Variants in HS6ST3 observed in about 807,000 individuals in gnomAD.
HS6ST3 encodes the protein heparan sulfate 6-O-sulfotransferase 3, also known as heparan-sulfate 6-O-sulfotransferase 3.
A neutral mutation model predicts 36.7 loss-of-function variants in HS6ST3; 12 were observed. The ratio of observed to expected loss-of-function variants is 0.33; its 90% CI spans 0.21 to 0.53. The LOEUF is 0.53. Ranked by LOEUF, HS6ST3 falls within the 20% of genes least tolerant of loss-of-function variation. The probability of loss-of-function intolerance (pLI) is 0.95; values close to 1 mark genes in which losing one functional copy is unlikely to be tolerated. For synonymous variants in HS6ST3, 240 were observed against 257.5 expected (o/e 0.93, Z 0.65); for missense variants, 584 against 640.9 (o/e 0.91, Z 0.96).
intron 1 of HS6ST3, among the ~76,000 whole-genome samples, chr13:96,123,912 G>T (rs2053938375): frequency 6.6e-6 from 1 of 152,120 alleles, no homozygotes; most frequent in Non-Finnish European, 1.5e-5. Context: ...CTGAGGGTTT[G>T]CAATACTACA....
At chr13:96,543,568 T>C (rs2056186350) in intron 1 of HS6ST3, among the ~76,000 whole-genome samples, 3 of 152,204 alleles carry the variant, frequency 2.0e-5, no homozygotes, top group Admixed American at 2.0e-4. Context: ...CTATGGATCA[T>C]CTCTTAGCTA....
intron 1 of HS6ST3, among the ~76,000 whole-genome samples, chr13:96,610,391 G>A (rs1429854441): frequency 6.6e-6 from 1 of 152,148 alleles, no homozygotes; most frequent in Non-Finnish European, 1.5e-5. Context: ...GCTTATGCAT[G>A]AATATAAAAA....
Position 96,583,475 on chromosome 13 carries a change from G to A in HS6ST3, c.708-249015G>A, listed in dbSNP as rs559806151. On this transcript the variant is annotated intron_variant, in intron 1 of 1. Coordinates refer to ENST00000376705, the MANE Select transcript of HS6ST3 (RefSeq NM_153456.4). ...GATCCGCCCACCTCGACCTCCCAAAGTGCCGCGATTACAGATGTGAGCACC... is the reference window on the plus strand; with the variant it reads ...GATCCGCCCACCTCGACCTCCCAAAATGCCGCGATTACAGATGTGAGCACC... Among the ~76,000 whole-genome samples, 6 of 151,900 alleles carry A rather than the reference G, an allele frequency of 3.9e-5. No homozygotes were observed. In the South Asian group the frequency reaches 1.0e-3, roughly 26 times the overall value.
intron 1 of HS6ST3, among the ~76,000 whole-genome samples, chr13:96,763,082 G>A (rs1312935788): frequency 6.6e-6 from 1 of 152,076 alleles, no homozygotes; most frequent in East Asian, 1.9e-4. Flanking sequence ...CATGTTTCTT[G>A]TTTAGATTCT....
At chr13:96,318,684 A>G (rs1347426688) in intron 1 of HS6ST3, among the ~76,000 whole-genome samples, 3 of 152,136 alleles carry the variant, frequency 2.0e-5, no homozygotes, top group Non-Finnish European at 4.4e-5. Flanking sequence ...GGCCTTGTCA[A>G]AGATCAGATG....
chr13:96,602,641 T>A lies in HS6ST3; in HGVS notation c.708-229849T>A, dbSNP rs570343817. Among the ~76,000 whole-genome samples, 5 of 152,294 alleles carry A rather than the reference T, an allele frequency of 3.3e-5. No homozygotes were observed. In the South Asian group the frequency reaches 1.0e-3, roughly 32 times the overall value. ...TTCTGGAGTATGGGCCCACTAAAGT[T>A]GTCCCAGCAGTAGTGTGGCTCAGAG... On this transcript the variant is annotated intron_variant, in intron 1 of 1. Coordinates refer to ENST00000376705, the MANE Select transcript of HS6ST3 (RefSeq NM_153456.4).
At chr13:96,111,242 A>G (rs1179720577) in intron 1 of HS6ST3, among the ~76,000 whole-genome samples, 1 of 152,234 alleles carries the variant, frequency 6.6e-6, no homozygotes, top group Non-Finnish European at 1.5e-5. Context: ...CAGATGAACA[A>G]TACTATTCAA....
intron 1 of HS6ST3, among the ~76,000 whole-genome samples, chr13:96,552,792 G>C (rs753220023): frequency 2.6e-5 from 4 of 152,174 alleles, no homozygotes; most frequent in Non-Finnish European, 2.9e-5. Context: ...GAGGTATAAG[G>C]ATGGTATTGA....
At chr13:96,361,674 T>C (rs946549069) in intron 1 of HS6ST3, among the ~76,000 whole-genome samples, 13 of 152,104 alleles carry the variant, frequency 8.5e-5, no homozygotes, top group Non-Finnish European at 1.8e-4. Context: ...TGGAAGCAAG[T>C]GAAAAACCAG....
intron 1 of HS6ST3, among the ~76,000 whole-genome samples, chr13:96,513,770 C>CT (rs1163339737): frequency 6.6e-6 from 1 of 151,914 alleles, no homozygotes; most frequent in Non-Finnish European, 1.5e-5. Context: ...CTTACACAAA[C>CT]TAAGGTAAGA....
At chr13:96,732,010 T>G (rs1263253790) in intron 1 of HS6ST3, among the ~76,000 whole-genome samples, 1 of 152,134 alleles carries the variant, frequency 6.6e-6, no homozygotes, top group Non-Finnish European at 1.5e-5. Flanking sequence ...GCCATATTAT[T>G]TTACATTCCC....
At chr13:96,311,733 T>G (rs577129585) in intron 1 of HS6ST3, among the ~76,000 whole-genome samples, 1 of 152,282 alleles carries the variant, frequency 6.6e-6, no homozygotes, top group South Asian at 2.1e-4. Context: ...AGTAATTGAT[T>G]CAGAGTTCGA....
chr13:96,292,742 T>C (rs1038530759), intron 1 of HS6ST3, among the ~76,000 whole-genome samples: 1 of 152,106 alleles, frequency 6.6e-6, no homozygotes, highest in Non-Finnish European at 1.5e-5. Context: ...GGTGAATAAA[T>C]AGCAAGATTA....
intron 1 of HS6ST3, among the ~76,000 whole-genome samples, chr13:96,301,667 G>A (rs536150177): frequency 3.3e-5 from 5 of 152,084 alleles, no homozygotes; most frequent in African/African-American, 1.2e-4. Context: ...TAAGGTAGGC[G>A]GATCAGATGT....
intron 1 of HS6ST3, among the ~76,000 whole-genome samples, chr13:96,501,464 G>A (rs1217260320): frequency 6.6e-6 from 1 of 152,164 alleles, no homozygotes; most frequent in African/African-American, 2.4e-5. Context: ...TGCTGTCCTT[G>A]GGCAAGTTAT....
intron 1 of HS6ST3, among the ~76,000 whole-genome samples, chr13:96,314,098 G>A (rs2054955860): frequency 6.6e-6 from 1 of 152,134 alleles, no homozygotes; most frequent in Admixed American, 6.5e-5. Flanking sequence ...GTACTTGGGA[G>A]GCCAAGGCAG....
chr13:96,139,523 G>T, intron 1 of HS6ST3, among the ~76,000 whole-genome samples: 1 of 75,348 alleles, frequency 1.3e-5, no homozygotes, highest in East Asian at 4.6e-4. Flanking sequence ...CCCTTTTCCT[G>T]AAATACTGTA....
intron 1 of HS6ST3, among the ~76,000 whole-genome samples, chr13:96,785,690 A>G (rs11069244): frequency 0.088 from 13,416 of 152,246 alleles, 733 homozygotes; most frequent in East Asian, 0.27. Flanking sequence ...TGAGGGACTC[A>G]TGCAAACAGG....
intron 1 of HS6ST3, among the ~76,000 whole-genome samples, chr13:96,368,451 C>G (rs912690): frequency 0.5 from 76,006 of 151,438 alleles, 19,477 homozygotes; most frequent in Middle Eastern, 0.62. Flanking sequence ...AAGGACTTCT[C>G]ACATCATAAG....
Sources: gnomAD v4.1 joint callset for allele counts (sites outside exome capture counted in the v4.1 genomes callset) on GRCh38, gnomAD v4.1.1 for gene constraint, MANE v1.5 for transcripts, NCBI Gene and HGNC (gene_info 2026-07-23, HGNC 2026-07-21) for gene names.